The following POSTN variants were observed in gnomAD, a reference collection of about 807,000 sequenced individuals.
POSTN encodes periostin.
In POSTN, 71 loss-of-function variants were observed where a neutral mutation model predicts 104.5. That is an observed-to-expected ratio of 0.68 (90% confidence interval 0.56 to 0.83). POSTN has a LOEUF of 0.83. Ranked by LOEUF, POSTN falls within the 40% of genes least tolerant of loss-of-function variation. The probability of loss-of-function intolerance (pLI) is 0.00; values close to 1 mark genes in which losing one functional copy is unlikely to be tolerated. For missense variants in POSTN, 949 were observed against 1,006.8 expected (o/e 0.94, Z 0.78); for synonymous variants, 355 against 340.7 (o/e 1.04, Z -0.46).
chr13:37,572,972 C>T (rs1950300353), intron 17 of POSTN, among the ~76,000 whole-genome samples: 1 of 151,468 alleles, frequency 6.6e-6, no homozygotes, highest in Admixed American at 6.6e-5. Context: ...GGTGACACAA[C>T]TCCATTTTTC....
Position 37,586,832 on chromosome 13 carries a change from T to C in POSTN, c.703A>G (p.Thr235Ala), listed in dbSNP as rs1950760571. The C allele has an allele frequency of 6.2e-7, 1 of 1,612,956 alleles. No homozygotes were observed. Among genetic ancestry groups the C allele is most frequent in the Admixed American group, 1.7e-5 (1 of 59,980 alleles). ...GCTTCAATGAAGTCTTGAATTGAGG[T>C]ACCAATTTGTGTAAGCACACGGTCA... Reference protein sequence around the residue: ...VIDRVLTQIGTSIQDFIEAED... With the variant: ...VIDRVLTQIGASIQDFIEAED... The change falls in exon 6 of 23, where the codon ACC (threonine) becomes GCC (alanine). Residue 235 changes from threonine (T) to alanine (A), a missense_variant. Coordinates refer to ENST00000379747, the MANE Select transcript of POSTN (RefSeq NM_006475.3).
At chr13:37,597,027 T>C (rs1002523605) in intron 2 of POSTN, among the ~76,000 whole-genome samples, 157 bp downstream of exon 2, 4 of 152,168 alleles carry the variant, frequency 2.6e-5, no homozygotes, top group African/African-American at 9.7e-5. Context: ...AGGGAGAACT[T>C]CTTTATTCAC....
intron 19 of POSTN, among the ~76,000 whole-genome samples, 193 bp downstream of exon 19, chr13:37,570,387 T>C (rs1183792999): frequency 6.6e-6 from 1 of 151,838 alleles, no homozygotes; most frequent in Admixed American, 6.6e-5. Context: ...TTTAGATTTG[T>C]CTACAAATTT....
At chr13:37,569,160 C>T in intron 21 of POSTN, 140 bp downstream of exon 21, 2 of 578,590 alleles carry the variant, frequency 3.5e-6, no homozygotes, top group Admixed American at 3.3e-5. Flanking sequence ...TGAACCAATC[C>T]ATCTATTAAG....
Position 37,574,658 on chromosome 13 carries a change from A to C in POSTN, c.2009-6T>G, listed in dbSNP as rs771397965. 40 of 1,579,862 alleles carry C rather than the reference A, an allele frequency of 2.5e-5. No individual in the cohort carries two copies. Among genetic ancestry groups the C allele is most frequent in the Non-Finnish European group, 3.1e-5 (36 of 1,169,408 alleles). Reference sequence around the variant, plus strand: ...TTTGGTTATAATTTTAGTTGCTGAAAGTATAGAAAGTGGAACATGAAAAAT... The same window carrying C: ...TTTGGTTATAATTTTAGTTGCTGAACGTATAGAAAGTGGAACATGAAAAAT... On this transcript the variant is annotated splice_polypyrimidine_tract_variant and splice_region_variant and intron_variant, in intron 16 of 22. Transcript: ENST00000379747.
At chr13:37,580,802 T>C in intron 10 of POSTN, 105 bp from the exon 11 acceptor site, 1 of 1,439,792 alleles carries the variant, frequency 6.9e-7, no homozygotes, top group Non-Finnish European at 9.5e-7. Flanking sequence ...TCTGAGAGGT[T>C]GCCTGGTGTC....
chr13:37,589,463 G>A (rs1051340325), intron 4 of POSTN, among the ~76,000 whole-genome samples: 3 of 151,884 alleles, frequency 2.0e-5, no homozygotes, highest in Admixed American at 6.6e-5. Context: ...TCGTCATTTA[G>A]CATTAGGTAT....
At chr13:37,567,646 A>G (rs769829248) in intron 21 of POSTN, among the ~76,000 whole-genome samples, 6 of 152,138 alleles carry the variant, frequency 3.9e-5, no homozygotes, top group Non-Finnish European at 5.9e-5. Context: ...TTGACGTGGC[A>G]TTGTGAAAAC....
In POSTN at chr13:37,564,217, T is replaced by C. The variant is rs532988138; in HGVS notation, c.2473+302A>G. 1.1e-3 allele frequency among the ~76,000 whole-genome samples: 148 copies of C among 132,944 alleles called. 2 individuals are homozygous for C. Among genetic ancestry groups the C allele is most frequent in the African/African-American group, 3.5e-3 (134 of 37,964 alleles). The allele number at this position is 132,944 out of a possible 152,430, so 87.2% of individuals were successfully genotyped here. ...ATATATATATATATATATATATATATATATATATATATGTATGGAGAATAT... is the reference window on the plus strand; with the variant it reads ...ATATATATATATATATATATATATACATATATATATATGTATGGAGAATAT... On this transcript the variant is annotated intron_variant, in intron 22 of 22. Coordinates refer to ENST00000379747, the MANE Select transcript of POSTN (RefSeq NM_006475.3).
At chr13:37,569,522 T>C in intron 20 of POSTN, 139 bp from the exon 21 acceptor site, 1 of 821,696 alleles carries the variant, frequency 1.2e-6, no homozygotes, top group Admixed American at 2.0e-5. Context: ...TTTAGTGCTG[T>C]TTTCTGACAT....
rs373361701 is a variant in POSTN, at chr13:37,587,810, G to A, written c.606+12C>T. 6 of 1,548,220 alleles carry A rather than the reference G, an allele frequency of 3.9e-6. No individual in the cohort carries two copies. The highest frequency in any genetic ancestry group is 5.3e-6 in the Non-Finnish European group (6 of 1,133,040). ...ATTTTTCATAAGTGTACTTTTTACTGATAAAACTTACCCCATTAGGATAAT... is the reference window on the plus strand; with the variant it reads ...ATTTTTCATAAGTGTACTTTTTACTAATAAAACTTACCCCATTAGGATAAT... On this transcript the variant is annotated intron_variant, in intron 5 of 22. Coordinates refer to ENST00000379747, the MANE Select transcript of POSTN (RefSeq NM_006475.3).
chr13:37,588,512 A>G (rs2138343948), intron 4 of POSTN, among the ~76,000 whole-genome samples: 1 of 152,302 alleles, frequency 6.6e-6, no homozygotes, highest in African/African-American at 2.4e-5. Context: ...AAAAGTCACA[A>G]CTGTTTATCA....
chr13:37,567,807 C>T (rs1400389580), intron 21 of POSTN, among the ~76,000 whole-genome samples: 1 of 152,048 alleles, frequency 6.6e-6, no homozygotes, highest in African/African-American at 2.4e-5. Flanking sequence ...GTTTTCTTGG[C>T]TGAAGCAATT....
Position 37,564,572 on chromosome 13 carries a change from T to C in POSTN, c.2432-12A>G, listed in dbSNP as rs770233412. 42 of 1,579,240 alleles carry C rather than the reference T, an allele frequency of 2.7e-5. No individual in the cohort carries two copies. The highest frequency in any genetic ancestry group is 3.2e-5 in the Non-Finnish European group (37 of 1,151,196). On this transcript the variant is annotated splice_polypyrimidine_tract_variant and intron_variant, in intron 21 of 22. Transcript: ENST00000379747. ...CCTCACGGGTGTGTCTAAAATTAAA[T>C]TGTTGTAGTTAGAAATACTTCGCAA...
chr13:37,591,984 A>G (rs765328205), intron 3 of POSTN, 116 bp downstream of exon 3: 20 of 597,978 alleles, frequency 3.3e-5, no homozygotes, highest in Non-Finnish European at 5.7e-5. Context: ...GGAGGGATAT[A>G]TCTTGGATTT....
chr13:37,579,907 A>G lies in POSTN; in HGVS notation c.1614T>C (p.Asn538=), dbSNP rs374321477. 34 of 1,613,664 alleles carry G rather than the reference A, an allele frequency of 2.1e-5. No individual in the cohort carries two copies. The African/African-American group carries it at 4.3e-4, about 20-fold the overall frequency. The change falls in exon 12 of 23, where the codon AAT becomes AAC. Residue 538 remains asparagine (N), a synonymous_variant. Coordinates refer to ENST00000379747, the MANE Select transcript of POSTN (RefSeq NM_006475.3). ...PGDWTLFVPT[N]DAFKGMTSEE... is the part of the protein sequence containing the mutation. ...CACTAGTCATTCCCTTAAAAGCATC[A>G]TTGGTTGGCACAAATAATGTCCAGT...
intron 22 of POSTN, 35 bp downstream of exon 22, chr13:37,564,484 C>G (rs1197649299): frequency 7.9e-7 from 1 of 1,261,618 alleles, no homozygotes; most frequent in Admixed American, 1.9e-5. Context: ...ACAAAAGAGG[C>G]CATATACACA....
chr13:37,584,134 T>C, intron 8 of POSTN, 31 bp from the exon 9 acceptor site: 1 of 1,612,064 alleles, frequency 6.2e-7, no homozygotes, highest in Non-Finnish European at 8.5e-7. Flanking sequence ...ATCACAACAA[T>C]GTCATCATTG....
At position 37,571,273 on chromosome 13, in the gene POSTN, A is replaced by C. The variant is rs1176571004; in HGVS notation, c.2179+96T>G. 9.0e-5 allele frequency: 73 copies of C among 812,498 alleles called. 1 individual carries two copies. The Admixed American group carries it at 2.0e-3, about 22-fold the overall frequency. 50.3% of individuals were successfully genotyped at this position (812,498 alleles called of 1,614,324 possible). A position where few individuals can be genotyped will look rare whatever the true frequency, so the allele number is the denominator to read the frequency against. On this transcript the variant is annotated intron_variant, in intron 18 of 22. Transcript: ENST00000379747. ...CCACAATTTTTATAAAATAAGAACTAAGAGAAAATATCAGATGTTCAATAT... is the reference window on the plus strand; with the variant it reads ...CCACAATTTTTATAAAATAAGAACTCAGAGAAAATATCAGATGTTCAATAT...
Sources: allele counts gnomAD v4.1 joint callset (sites outside exome capture counted in the v4.1 genomes callset), GRCh38; gene constraint gnomAD v4.1.1; transcripts MANE v1.5; gene names NCBI Gene and HGNC (gene_info 2026-07-23, HGNC 2026-07-21).